GART: variants seen among roughly 807,000 people sequenced by gnomAD.
GART encodes the protein phosphoribosylglycinamide formyltransferase, phosphoribosylglycinamide synthetase, phosphoribosylaminoimidazole synthetase, also known as trifunctional purine biosynthetic protein adenosine-3.
In GART, 43 loss-of-function variants were observed where a neutral mutation model predicts 107.2. That is an observed-to-expected ratio of 0.40 (90% CI 0.31 to 0.52). GART has a LOEUF of 0.52. Among genes scored for constraint, GART ranks in the 20% least tolerant of loss-of-function variants. The pLI, the probability that GART is intolerant of heterozygous loss-of-function variation, is 0.52. For synonymous variants in GART, 434 were observed against 427.0 expected (o/e 1.02, Z -0.20); for missense variants, 1,107 against 1,206.5 (o/e 0.92, Z 1.22).
intron 6 of GART, chr21:33,531,145 T>G (rs1372134202): frequency 2.6e-6 from 1 of 387,632 alleles, no homozygotes; most frequent in East Asian, 4.5e-5. Context: ...TTTCAACCTT[T>G]CCCCCACTTT....
At position 33,517,102 on chromosome 21, in the gene GART, G is replaced by A; in HGVS notation, c.1994C>T (p.Ser665Leu). 6.2e-7 allele frequency: 1 copy of A among 1,613,304 alleles called. No individual in the cohort carries two copies. Among genetic ancestry groups the A allele is most frequent in the Non-Finnish European group, 8.5e-7 (1 of 1,179,826 alleles). Residue 665 changes from serine (S) to leucine (L), a missense_variant, in exon 16 of 22, where the codon TCA (serine) becomes TTA (leucine). Physicochemically the swap from Ser to Leu is moderately radical, Grantham distance 145 (BLOSUM62 -2). Transcript: ENST00000381815. The part of the protein sequence containing the change: ...LLTPTRIYSH[S>L]LLPVLRSGHV... ...TCCTGAACGTAGGACAGGTAACAGTGAATGGCTGTAGATTCTGGTAGGCGT... is the reference window on the plus strand; with the variant it reads ...TCCTGAACGTAGGACAGGTAACAGTAAATGGCTGTAGATTCTGGTAGGCGT...
chr21:33,511,528 T>C, intron 16 of GART, 70 bp from the exon 17 acceptor site: 3 of 1,425,006 alleles, frequency 2.1e-6, no homozygotes, highest in Non-Finnish European at 2.0e-6. Context: ...TATGCACATA[T>C]TCAAAGATGT....
intron 11 of GART, chr21:33,524,059 A>G (rs2085022436): frequency 1.0e-6 from 1 of 985,186 alleles, no homozygotes; most frequent in Non-Finnish European, 1.2e-6. Context: ...TGTACATACC[A>G]ACAATGAATC....
At chr21:33,530,606 A>C in intron 7 of GART, 153 bp downstream of exon 7, 1 of 759,338 alleles carries the variant, frequency 1.3e-6, no homozygotes, top group Non-Finnish European at 1.8e-6. Flanking sequence ...AGTTTTAGAG[A>C]CCAGAAAAGA....
At chr21:33,505,489 T>C (rs991786499) in intron 20 of GART, 72 bp downstream of exon 20, 40 of 1,368,772 alleles carry the variant, frequency 2.9e-5, no homozygotes, top group Middle Eastern at 1.9e-4. Context: ...CTGGGATTGT[T>C]TGGCAAGTTA....
Position 33,524,874 on chromosome 21 carries a change from G to A in GART, c.1193C>T (p.Ser398Leu). ...TCCTTTCTTGGCTTCCTCAAGGGCT[G>A]ATATGAGATTTTCCCGGATGGCTGT... ...AVTAIRENLI[S>L]ALEEAKKGLA... The change falls in exon 11 of 22, where the codon TCA (serine) becomes TTA (leucine). Residue 398 changes from serine to leucine, a missense_variant. Coordinates refer to ENST00000381815, the MANE Select transcript of GART (RefSeq NM_000819.5). The A allele has an allele frequency of 6.2e-7, 1 of 1,614,158 alleles. No homozygotes were observed. The highest frequency in any genetic ancestry group is 8.5e-7 in the Non-Finnish European group (1 of 1,180,016).
chr21:33,514,288 A>C (rs1017806677), intron 16 of GART, among the ~76,000 whole-genome samples: 1 of 151,732 alleles, frequency 6.6e-6, no homozygotes, highest in South Asian at 2.1e-4. Flanking sequence ...AAACAAAAAA[A>C]CCCCCAGAAG....
intron 5 of GART, chr21:33,532,142 A>ACCATG: frequency 1.9e-6 from 1 of 530,282 alleles, no homozygotes; most frequent in South Asian, 2.5e-5. Context: ...TTACTTCAAA[A>ACCATG]TAATACAATC....
intron 12 of GART, 114 bp downstream of exon 12, chr21:33,522,074 A>C: frequency 1.3e-6 from 1 of 758,942 alleles, no homozygotes; most frequent in Non-Finnish European, 2.2e-6. Context: ...AAGCAGGGCA[A>C]AACTTACAGT....
rs534520551 is a variant in GART at position 33,532,800 on chromosome 21, C to T, written c.417-344G>A. On this transcript the variant is annotated intron_variant, in intron 4 of 21. Transcript: ENST00000381815. The stretch of plus-strand genomic sequence containing the variant: ...AGTACTCTCATTCAGGTAGAAAATG[C>T]GGCTGTATAACAACAGTAAGCATAC... 5.8e-4 allele frequency among the ~76,000 whole-genome samples: 88 copies of T among 152,150 alleles called. No homozygotes were observed. In the South Asian group the frequency reaches 0.014, roughly 25 times the overall value.
intron 17 of GART, chr21:33,510,195 T>C (rs1480940411): frequency 3.4e-6 from 1 of 298,294 alleles, no homozygotes; most frequent in African/African-American, 2.2e-5. Context: ...CCTGCCAGTA[T>C]TCTGCCCCTA....
At chr21:33,524,224 A>T in intron 11 of GART, 1 of 985,520 alleles carries the variant, frequency 1.0e-6, no homozygotes, top group Non-Finnish European at 1.2e-6. Context: ...CTATGTTTCA[A>T]ATACAACACT....
rs765439427 is a variant in GART, at chr21:33,522,177, G to C, written c.1393+11C>G. On this transcript the variant is annotated intron_variant, in intron 12 of 21. Transcript: ENST00000381815. ...AAAGTTAATGAATTAGCAAAGTATA[G>C]GATCACTGACCTGATCTGGAAGTGG... 1 of 1,596,174 alleles carries C rather than the reference G, an allele frequency of 6.3e-7. No homozygotes were observed. Among genetic ancestry groups the C allele is most frequent in the Non-Finnish European group, 8.6e-7 (1 of 1,164,016 alleles).
At position 33,509,879 on chromosome 21, in the gene GART, G is replaced by A. The variant is rs200677439; in HGVS notation, c.2356C>T (p.Gln786Ter). The change falls in exon 18 of 22, where the codon CAA (glutamine) becomes TAA (stop). Residue 786 changes from glutamine (Q) to a stop codon, truncating the protein, a stop_gained. Transcript: ENST00000381815. LOFTEE classifies it high-confidence loss of function. ...VKVKNLIESM[Q>*]INGSVLKNGS... Reference sequence around the variant, plus strand: ...TTCTTCAACACTGACCCATTTATTTGCATGCTTTCAATCAGATTCTTGACT... The same window carrying A: ...TTCTTCAACACTGACCCATTTATTTACATGCTTTCAATCAGATTCTTGACT... 8.7e-6 allele frequency: 14 copies of A among 1,612,776 alleles called. No individual in the cohort carries two copies. The highest frequency in any genetic ancestry group is 1.3e-5 in the African/African-American group (1 of 74,916).
At chr21:33,538,265 CAG>C (rs982480422) in intron 2 of GART, among the ~76,000 whole-genome samples, 3 of 126,450 alleles carry the variant, frequency 2.4e-5, no homozygotes, top group African/African-American at 8.4e-5. Flanking sequence ...AAAAAAAAGT[CAG>C]AGAGAGATAA....
chr21:33,512,826 T>G (rs918616006), intron 16 of GART, among the ~76,000 whole-genome samples: 1 of 152,066 alleles, frequency 6.6e-6, no homozygotes, highest in Non-Finnish European at 1.5e-5. Flanking sequence ...CTCCTGGGCT[T>G]CTTCTGCCTC....
At chr21:33,525,831 G>GAT (rs2085063113) in intron 10 of GART, among the ~76,000 whole-genome samples, 2 of 150,606 alleles carry the variant, frequency 1.3e-5, no homozygotes, top group South Asian at 4.2e-4. Context: ...TCCTGCATCT[G>GAT]ATCACATTAA....
rs765441375 is a variant in GART, at chr21:33,511,221, A to T, written c.2314+31T>A. The T allele has an allele frequency of 1.9e-6, 3 of 1,610,444 alleles. No homozygotes were observed. The South Asian group carries it at 3.3e-5, about 18-fold the overall frequency. ...TAGCTAAAATTATACAGCTAAAATT[A>T]TATATCTAAAAATGAGTAAGGAGCA... On this transcript the variant is annotated intron_variant, in intron 17 of 21. Transcript: ENST00000381815.
chr21:33,517,183 A>G (rs1257721499), intron 15 of GART, 42 bp from the exon 16 acceptor site: 2 of 1,576,902 alleles, frequency 1.3e-6, no homozygotes, highest in South Asian at 1.2e-5. Context: ...GCCTATGAAT[A>G]GAAAACCAAA....
Sources: gnomAD v4.1 joint callset for allele counts (sites outside exome capture counted in the v4.1 genomes callset) on GRCh38, gnomAD v4.1.1 for gene constraint, MANE v1.5 for transcripts, NCBI Gene and HGNC (gene_info 2026-07-23, HGNC 2026-07-21) for gene names.